Variants in TTLL7 observed in about 807,000 individuals in gnomAD.
TTLL7 encodes tubulin polyglutamylase TTLL7.
Under a neutral mutation model 120.2 loss-of-function variants are expected in TTLL7, and 53 were observed. That is an observed-to-expected ratio of 0.44 (90% CI 0.35 to 0.55). TTLL7 has a LOEUF of 0.55. TTLL7 is among the 20% of genes least tolerant of loss of function. The pLI is 0.00. For synonymous variants in TTLL7, 353 were observed against 351.7 expected (o/e 1.00, Z -0.04); for missense variants, 803 against 1,054.7 (o/e 0.76, Z 3.31).
At chr1:83,873,026 T>C (rs970915617) in intron 20 of TTLL7, among the ~76,000 whole-genome samples, 11 of 152,196 alleles carry the variant, frequency 7.2e-5, no homozygotes, top group African/African-American at 2.7e-4. Flanking sequence ...TACATAATTA[T>C]CATTGTATAC....
intron 9 of TTLL7, among the ~76,000 whole-genome samples, chr1:83,933,186 C>A (rs931920935): frequency 6.6e-6 from 1 of 151,886 alleles, no homozygotes; most frequent in Admixed American, 6.6e-5. Flanking sequence ...ATTAATGAAC[C>A]AATTGGAGCC....
At chr1:83,883,243 C>A in intron 19 of TTLL7, 107 bp from the exon 20 acceptor site, 1 of 792,602 alleles carries the variant, frequency 1.3e-6, no homozygotes, top group East Asian at 2.6e-5. Flanking sequence ...GAAATGGTCT[C>A]ATACATTTGC....
At chr1:83,944,526 G>A (rs1357677445) in intron 6 of TTLL7, among the ~76,000 whole-genome samples, 2 of 152,020 alleles carry the variant, frequency 1.3e-5, no homozygotes, top group Non-Finnish European at 2.9e-5. Context: ...GGCCAACATG[G>A]AGAAAACCCC....
intron 6 of TTLL7, among the ~76,000 whole-genome samples, chr1:83,945,673 C>T (rs1267687043): frequency 6.6e-6 from 1 of 152,046 alleles, no homozygotes; most frequent in Non-Finnish European, 1.5e-5. Context: ...CAGTTATCTG[C>T]TTTTCCAGCT....
At chr1:83,977,058 T>C (rs113149744) in intron 1 of TTLL7, among the ~76,000 whole-genome samples, 27 of 151,844 alleles carry the variant, frequency 1.8e-4, no homozygotes, top group African/African-American at 6.0e-4. Flanking sequence ...AAATATTTAT[T>C]TAAAAATAAA....
intron 8 of TTLL7, among the ~76,000 whole-genome samples, chr1:83,935,706 T>C (rs1018269641): frequency 8.5e-5 from 13 of 152,078 alleles, no homozygotes; most frequent in African/African-American, 3.1e-4. Flanking sequence ...GCCCGGGTTA[T>C]TAAAAATAAG....
intron 20 of TTLL7, among the ~76,000 whole-genome samples, chr1:83,872,591 C>G (rs1367182383): frequency 6.6e-6 from 1 of 152,194 alleles, no homozygotes; most frequent in Non-Finnish European, 1.5e-5. Flanking sequence ...ACAGTAACGT[C>G]TACCAACTTT....
intron 17 of TTLL7, 112 bp from the exon 18 acceptor site, chr1:83,904,271 T>C: frequency 4.2e-6 from 3 of 715,998 alleles, no homozygotes; most frequent in Non-Finnish European, 6.9e-6. Context: ...CCAACTTTCA[T>C]AAAAACACAT....
chr1:83,988,335 G>A (rs904551259), intron 1 of TTLL7, among the ~76,000 whole-genome samples: 1 of 152,190 alleles, frequency 6.6e-6, no homozygotes, highest in Non-Finnish European at 1.5e-5. Context: ...GTGCTGCAAT[G>A]AACATATTAT....
intron 10 of TTLL7, among the ~76,000 whole-genome samples, chr1:83,922,671 A>G (rs1658782342): frequency 1.4e-5 from 2 of 139,910 alleles, no homozygotes; most frequent in South Asian, 4.2e-4. Flanking sequence ...CAAGAAACTC[A>G]GCTTCTCACA....
At chr1:83,875,520 T>C (rs576868382) in intron 20 of TTLL7, among the ~76,000 whole-genome samples, 20 of 152,058 alleles carry the variant, frequency 1.3e-4, no homozygotes, top group African/African-American at 2.4e-4. Context: ...TATGCACATG[T>C]GCACACATCT....
intron 18 of TTLL7, among the ~76,000 whole-genome samples, chr1:83,901,619 C>G (rs1656732520): frequency 6.6e-6 from 1 of 151,934 alleles, no homozygotes; most frequent in South Asian, 2.1e-4. Context: ...GACTTGAAAA[C>G]ATATTCAGGG....
chr1:83,923,834 G>A (rs2100801994), intron 10 of TTLL7, among the ~76,000 whole-genome samples: 1 of 152,232 alleles, frequency 6.6e-6, no homozygotes, highest in East Asian at 1.9e-4. Context: ...CCATTCAACT[G>A]TATCCATATA....
At chr1:83,883,363 T>G (rs956454669) in intron 19 of TTLL7, among the ~76,000 whole-genome samples, 9 of 151,952 alleles carry the variant, frequency 5.9e-5, no homozygotes, top group African/African-American at 2.2e-4. Flanking sequence ...GTGTGTGTGT[T>G]TGTGCATGTG....
chr1:83,916,651 A>G (rs1658215964), intron 14 of TTLL7, among the ~76,000 whole-genome samples: 1 of 152,222 alleles, frequency 6.6e-6, no homozygotes. Context: ...TTTAAAAAAA[A>G]GAAAATATGA....
At chr1:83,925,986 T>C (rs887687178) in intron 10 of TTLL7, among the ~76,000 whole-genome samples, 8 of 151,910 alleles carry the variant, frequency 5.3e-5, no homozygotes, top group African/African-American at 1.9e-4. Flanking sequence ...CCGGGAGTGC[T>C]GGCAGGTGCC....
rs186402665 is a variant in TTLL7, at chr1:83,882,323, A to G, written c.2543+640T>C. On this transcript the variant is annotated intron_variant, in intron 20 of 20. Transcript: ENST00000260505. ...CTGTAATCTCACTTTCTGTCAAAAA[A>G]AAAATACTAAAACTAAAGTTATATT... Among the ~76,000 whole-genome samples the G allele has an allele frequency of 1.3e-4, 19 of 151,518 alleles. No homozygotes were observed. In the East Asian group the frequency reaches 3.1e-3, roughly 25 times the overall value.
At chr1:83,914,568 G>C (rs902656959) in intron 14 of TTLL7, among the ~76,000 whole-genome samples, 1 of 151,984 alleles carries the variant, frequency 6.6e-6, no homozygotes, top group African/African-American at 2.4e-5. Context: ...TTGACCTCGT[G>C]ATCCGCCTGC....
intron 10 of TTLL7, among the ~76,000 whole-genome samples, chr1:83,922,417 G>A (rs1447729117): frequency 6.6e-6 from 1 of 152,088 alleles, no homozygotes; most frequent in South Asian, 2.1e-4. Context: ...TCATGAGATT[G>A]CATGAAGAAT....
Sources: allele counts gnomAD v4.1 joint callset (sites outside exome capture counted in the v4.1 genomes callset), GRCh38; gene constraint gnomAD v4.1.1; transcripts MANE v1.5; gene names NCBI Gene and HGNC (gene_info 2026-07-23, HGNC 2026-07-21).